Variants in EPHA2 observed in about 807,000 individuals in gnomAD.
The protein encoded by EPHA2 is ephrin type-A receptor 2.
Under a neutral mutation model 104.9 loss-of-function variants are expected in EPHA2, and 54 were observed. The ratio of observed to expected loss-of-function variants is 0.51; its 90% CI spans 0.41 to 0.65. The LOEUF is 0.65. EPHA2 is among the 30% of genes least tolerant of loss of function. EPHA2 has a pLI of 0.00. For missense variants in EPHA2, 1,117 were observed against 1,369.5 expected (o/e 0.82, Z 2.91); for synonymous variants, 560 against 559.1 (o/e 1.00, Z -0.02).
chr1:16,133,455 G>A lies in EPHA2; in HGVS notation c.1864+26C>T, dbSNP rs369037725. The A allele has an allele frequency of 3.7e-5, 59 of 1,614,044 alleles. No homozygotes were observed. The East Asian group carries it at 4.9e-4, about 13-fold the overall frequency. Reference sequence around the variant, plus strand: ...GTGTCACCACCGCTGCCTCCTCAGGGCCCCTTGGCAGGGGGCCAACCTCAC... The same window carrying A: ...GTGTCACCACCGCTGCCTCCTCAGGACCCCTTGGCAGGGGGCCAACCTCAC... On this transcript the variant is annotated intron_variant, in intron 10 of 16. Transcript: ENST00000358432.
chr1:16,131,299 G>A lies in EPHA2; in HGVS notation c.2475+422C>T, dbSNP rs2024565229. On this transcript the variant is annotated intron_variant, in intron 14 of 16. Coordinates refer to ENST00000358432, the MANE Select transcript of EPHA2 (RefSeq NM_004431.5). The surrounding 1 kb of genome is among the most constrained non-coding windows in gnomAD (Gnocchi z 5.2). ...TAGATCCTCAAGAAATATTTACGGG[G>A]CTGGGTGCGGTGGCTTACCCCTGTA... Among the ~76,000 whole-genome samples, 1 of 152,200 alleles carries A rather than the reference G, an allele frequency of 6.6e-6. No homozygotes were observed. The highest frequency in any genetic ancestry group is 1.5e-5 in the Non-Finnish European group (1 of 68,042).
chr1:16,151,722 G>A (rs918634060), intron 1 of EPHA2, among the ~76,000 whole-genome samples: 5 of 152,150 alleles, frequency 3.3e-5, no homozygotes, highest in African/African-American at 7.2e-5. Context: ...CACCACCCCT[G>A]CCCCTCACAT....
At chr1:16,126,164 C>T (rs2024462518) in intron 16 of EPHA2, among the ~76,000 whole-genome samples, 1 of 152,148 alleles carries the variant, frequency 6.6e-6, no homozygotes, top group Non-Finnish European at 1.5e-5. Flanking sequence ...CACAGCCCTG[C>T]TTTCCCACCC....
At chr1:16,149,071 G>A (rs1162848659) in intron 2 of EPHA2, 24 bp from the exon 3 acceptor site, 2 of 1,608,468 alleles carry the variant, frequency 1.2e-6, no homozygotes, top group African/African-American at 2.7e-5. Context: ...ATACAGGTTA[G>A]TGTGGGCAGG....
intron 3 of EPHA2, among the ~76,000 whole-genome samples, chr1:16,139,685 T>C (rs1163343110): frequency 1.3e-5 from 2 of 152,026 alleles, no homozygotes; most frequent in African/African-American, 4.8e-5. Context: ...GAATGATAGA[T>C]GTTGGGAGAG....
chr1:16,149,644 G>A (rs1336205475), intron 2 of EPHA2, among the ~76,000 whole-genome samples: 1 of 152,202 alleles, frequency 6.6e-6, no homozygotes, highest in Non-Finnish European at 1.5e-5. Flanking sequence ...TCTCCAGAAA[G>A]AATTCCCAGG....
chr1:16,134,471 C>T lies in EPHA2; in HGVS notation c.1679G>A (p.Arg560His), dbSNP rs769625456. 30 of 1,613,988 alleles carry T rather than the reference C, an allele frequency of 1.9e-5. No individual in the cohort carries two copies. Among genetic ancestry groups the T allele is most frequent in the African/African-American group, 1.6e-4 (12 of 74,988 alleles). The change falls in exon 8 of 17, where the codon CGC becomes CAC. Residue 560 changes from arginine (R) to histidine (H), a missense_variant. Arg to His is a conservative substitution (Grantham distance 29, BLOSUM62 0). This residue lies in a region of EPHA2 where 664 missense variants were observed against 784.8 expected (regional missense o/e 0.85). Transcript: ENST00000358432. This position sits in a 1 kb window ranked among gnomAD's most constrained non-coding sequence, Gnocchi z 4.5. The part of the protein sequence containing the change: ...VLAGVGFFIH[R>H]RRKNQRARQS... ...CAGGGTATGGGCTCTGACGAACCTG[C>T]GGTGGATAAAGAAGCCAACTCCTGC...
At position 16,132,388 on chromosome 1, in the gene EPHA2, T is replaced by C. The variant is rs144576767; in HGVS notation, c.2105A>G (p.Lys702Arg). The change falls in exon 12 of 17, where the codon AAG becomes AGG. Residue 702 changes from lysine to arginine, a missense_variant. Transcript: ENST00000358432. ...AACCCACATCCTTACCCGAAGGAAC[T>C]TGTCCAGGGCCCCATTCTCCATGTA... ...TEYMENGALDKFLREKDGEFS... is the reference protein window; with the variant it reads ...TEYMENGALDRFLREKDGEFS... The C allele has an allele frequency of 7.4e-6, 12 of 1,614,036 alleles. No homozygotes were observed. The African/African-American group carries it at 1.3e-4, about 18-fold the overall frequency.
intron 1 of EPHA2, chr1:16,155,165 C>G (rs1009028447): frequency 1.3e-5 from 2 of 152,358 alleles, no homozygotes; most frequent in Non-Finnish European, 2.9e-5. Context: ...CGCATTTCCT[C>G]GTTCTGAGTC....
rs1420582106 is a variant in EPHA2, at chr1:16,131,002, C to T, written c.2476-583G>A. 1.3e-5 allele frequency among the ~76,000 whole-genome samples: 2 copies of T among 152,110 alleles called. No individual in the cohort carries two copies. The highest frequency in any genetic ancestry group is 2.9e-5 in the Non-Finnish European group (2 of 68,022). On this transcript the variant is annotated intron_variant, in intron 14 of 16. Coordinates refer to ENST00000358432, the MANE Select transcript of EPHA2 (RefSeq NM_004431.5). The surrounding 1 kb of genome is among the most constrained non-coding windows in gnomAD (Gnocchi z 5.2). ...TGTACCCTCAGCCCAGCCTCCCTCC[C>T]ATCTCTCTTCCCCTCCCTCTCATCT... is the stretch of plus-strand genomic sequence containing the variant.
At position 16,155,926 on chromosome 1, in the gene EPHA2, G is replaced by A. The variant is rs765831473; in HGVS notation, c.7C>T (p.Leu3Phe). The part of the protein sequence containing the change: ME[L>F]QAARACFALL... ...GCGAAGCAGGCGCGGGCTGCCTGGA[G>A]CTCCATGCCGCGCTTCTCGCTCTCG... The change falls in exon 1 of 17, where the codon CTC (leucine) becomes TTC (phenylalanine). Residue 3 changes from leucine to phenylalanine, a missense_variant. By Grantham distance (22) the Leu-to-Phe change is conservative. Transcript: ENST00000358432. 23 of 1,490,696 alleles carry A rather than the reference G, an allele frequency of 1.5e-5. No homozygotes were observed. In the East Asian group the frequency reaches 2.6e-4, roughly 17 times the overall value. 92.3% of individuals were successfully genotyped at this position (1,490,696 alleles called of 1,614,324 possible).
rs1243223097 is a variant in EPHA2, at chr1:16,130,523, C to G, written c.2476-104G>C. ...GCAGGGGAGGGGAGGGGAACAGGAA[C>G]ATCCCAGAAACAGACAGGAAGGGCC... is the stretch of plus-strand genomic sequence containing the variant. On this transcript the variant is annotated intron_variant, in intron 14 of 16. Transcript: ENST00000358432. The surrounding 1 kb of genome is among the most constrained non-coding windows in gnomAD (Gnocchi z 4.5). 1.5e-5 allele frequency: 18 copies of G among 1,186,670 alleles called. No individual in the cohort carries two copies. In the Admixed American group the frequency reaches 1.5e-4, roughly 10 times the overall value. 73.5% of individuals were successfully genotyped at this position (1,186,670 alleles called of 1,614,324 possible). A position where few individuals can be genotyped will look rare whatever the true frequency, so the allele number is the denominator to read the frequency against.
intron 11 of EPHA2, 126 bp from the exon 12 acceptor site, chr1:16,132,565 C>G (rs1188604516): frequency 2.0e-6 from 2 of 995,600 alleles, no homozygotes; most frequent in Non-Finnish European, 3.0e-6. Context: ...AGAGGTGGAA[C>G]AGGTGTGGGG....
chr1:16,149,052 G>A lies in EPHA2; in HGVS notation c.154-5C>T, dbSNP rs369642940. The A allele has an allele frequency of 2.8e-4, 444 of 1,611,722 alleles. No individual in the cohort carries two copies. The highest frequency in any genetic ancestry group is 3.7e-4 in the Non-Finnish European group (433 of 1,179,992). On this transcript the variant is annotated splice_region_variant and splice_polypyrimidine_tract_variant and intron_variant, in intron 2 of 16. Coordinates refer to ENST00000358432, the MANE Select transcript of EPHA2 (RefSeq NM_004431.5). ...GATGTTCTGCATCAGGTCCCACTGT[G>A]GGGGGAAGATACAGGTTAGTGTGGG... is the stretch of plus-strand genomic sequence containing the variant.
chr1:16,155,796 T>C, intron 1 of EPHA2, 52 bp downstream of exon 1: 3 of 1,310,828 alleles, frequency 2.3e-6, no homozygotes, highest in Non-Finnish European at 2.9e-6. Flanking sequence ...CGCCGGGCTC[T>C]AGGGGGCACT....
Position 16,156,007 on chromosome 1 carries a change from G to T in EPHA2, c.-75C>A. ...ACCCGCACGCCTGCACGCCGGCCTC[G>T]GTGTCCGCTCCCGCCCGCCGGCCTG... On this transcript the variant is annotated 5_prime_UTR_variant, in exon 1 of 17. Coordinates refer to ENST00000358432, the MANE Select transcript of EPHA2 (RefSeq NM_004431.5). The T allele has an allele frequency of 7.7e-7, 1 of 1,291,104 alleles. No individual in the cohort carries two copies. The highest frequency in any genetic ancestry group is 1.0e-6 in the Non-Finnish European group (1 of 987,580). 80.0% of individuals were successfully genotyped at this position (1,291,104 alleles called of 1,614,324 possible). A position where few individuals can be genotyped will look rare whatever the true frequency, so the allele number is the denominator to read the frequency against.
rs761986810 is a variant in EPHA2, at chr1:16,135,053, T to C, written c.1565A>G (p.His522Arg). The C allele has an allele frequency of 8.7e-6, 14 of 1,613,058 alleles. No homozygotes were observed. The highest frequency in any genetic ancestry group is 1.7e-5 in the Admixed American group (1 of 60,008). Residue 522 changes from histidine to arginine, a missense_variant, in exon 7 of 17, where the codon CAC becomes CGC. His to Arg is a conservative substitution (Grantham distance 29). Transcript: ENST00000358432. This position sits in a 1 kb window ranked among gnomAD's most constrained non-coding sequence, Gnocchi z 4.3. ...QEGQGAGSKV[H>R]EFQTLSPEGS... ...CAACTCACACAGCGTCTGGAATTCGTGCACCTTGCTGCCGGCCCCCTGGCC... is the reference window on the plus strand; with the variant it reads ...CAACTCACACAGCGTCTGGAATTCGCGCACCTTGCTGCCGGCCCCCTGGCC...
In EPHA2 at chr1:16,132,016, T is replaced by C. The variant is rs199631851; in HGVS notation, c.2325+48A>G. The C allele has an allele frequency of 2.1e-4, 333 of 1,613,514 alleles. 1 individual carries two copies. The East Asian group carries it at 7.1e-3, about 34-fold the overall frequency. ...CAGGTGTGCAGGTGAGAGGACACCA[T>C]GCAGGGCGAAGGCCGCTTCTCCCTT... is the stretch of plus-strand genomic sequence containing the variant. On this transcript the variant is annotated intron_variant, in intron 13 of 16. Transcript: ENST00000358432.
rs1233540337 is a variant in EPHA2, at chr1:16,138,374, G to A, written c.880C>T (p.Pro294Ser). The change falls in exon 4 of 17, where the codon CCT (proline) becomes TCT (serine). Residue 294 changes from proline (P) to serine (S), a missense_variant. Pro to Ser is a moderately conservative substitution (Grantham distance 74). Coordinates refer to ENST00000358432, the MANE Select transcript of EPHA2 (RefSeq NM_004431.5). ...EASESPCLEC[P>S]EHTLPSPEGA... is the part of the protein sequence containing the mutation. Reference sequence around the variant, plus strand: ...TCAGGGGATGGCAGCGTGTGCTCAGGGCACTCCAAGCAGGGGCTCTCAGAT... The same window carrying A: ...TCAGGGGATGGCAGCGTGTGCTCAGAGCACTCCAAGCAGGGGCTCTCAGAT... 5 of 1,613,900 alleles carry A rather than the reference G, an allele frequency of 3.1e-6. No homozygotes were observed. Among genetic ancestry groups the A allele is most frequent in the Non-Finnish European group, 4.2e-6 (5 of 1,179,994 alleles).
Sources: gnomAD v4.1 joint callset for allele counts (sites outside exome capture counted in the v4.1 genomes callset) on GRCh38, gnomAD v4.1.1 for gene constraint, gnomAD v4.1.1 regional missense constraint, Gnocchi (gnomAD v3.1) non-coding constraint, MANE v1.5 for transcripts, NCBI Gene and HGNC (gene_info 2026-07-23, HGNC 2026-07-21) for gene names.